Variants in ULK4 observed in about 807,000 individuals in gnomAD.
ULK4 encodes unc-51 like kinase 4.
Under a neutral mutation model 160.6 loss-of-function variants are expected in ULK4, and 133 were observed. That is an observed-to-expected ratio of 0.83 (90% confidence interval 0.72 to 0.96). The LOEUF (loss-of-function observed/expected upper bound fraction) is 0.96, where lower values mean the gene tolerates loss of function less well. Among genes scored for constraint, ULK4 ranks in the 40% least tolerant of loss-of-function variants. The probability of loss-of-function intolerance (pLI) is 0.00; values close to 1 mark genes in which losing one functional copy is unlikely to be tolerated. For synonymous variants in ULK4, 534 were observed against 539.8 expected (o/e 0.99, Z 0.15); for missense variants, 1,580 against 1,499.5 (o/e 1.05, Z -0.89).
At chr3:41,708,577 G>A (rs1344173366) in intron 25 of ULK4, among the ~76,000 whole-genome samples, 2 of 151,230 alleles carry the variant, frequency 1.3e-5, no homozygotes, top group Non-Finnish European at 2.9e-5. Context: ...GAGGGAATAA[G>A]GTATCAAGAG....
At chr3:41,683,316 G>A (rs1269820827) in intron 27 of ULK4, among the ~76,000 whole-genome samples, 5 of 152,010 alleles carry the variant, frequency 3.3e-5, no homozygotes, top group South Asian at 2.1e-4. Context: ...GAACTCTGTC[G>A]GCCTCATGTC....
intron 21 of ULK4, among the ~76,000 whole-genome samples, chr3:41,778,158 C>T (rs2125579377): frequency 8.4e-6 from 1 of 118,614 alleles, no homozygotes; most frequent in Non-Finnish European, 1.6e-5. Context: ...AATCAATGTA[C>T]AAAAATCGCA....
At chr3:41,574,397 C>T (rs1441613468) in intron 31 of ULK4, among the ~76,000 whole-genome samples, 3 of 151,994 alleles carry the variant, frequency 2.0e-5, no homozygotes, top group African/African-American at 7.2e-5. Flanking sequence ...CCCTTGAGCC[C>T]CTCTTGCATC....
intron 35 of ULK4, among the ~76,000 whole-genome samples, chr3:41,391,744 A>C (rs1465746457): frequency 6.6e-6 from 1 of 152,094 alleles, no homozygotes; most frequent in African/African-American, 2.4e-5. Flanking sequence ...ATGAGAAATC[A>C]GAAGGAAAAT....
intron 21 of ULK4, among the ~76,000 whole-genome samples, chr3:41,783,898 C>T (rs1244823666): frequency 1.3e-5 from 2 of 152,110 alleles, no homozygotes; most frequent in Non-Finnish European, 2.9e-5. Context: ...GAAACATTAA[C>T]AGCTTGGAAG....
At chr3:41,391,207 A>C (rs1032349628) in intron 35 of ULK4, among the ~76,000 whole-genome samples, 1 of 152,146 alleles carries the variant, frequency 6.6e-6, no homozygotes, top group Non-Finnish European at 1.5e-5. Flanking sequence ...GAGAATGCTT[A>C]TCCAGTGGAA....
chr3:41,581,969 T>C (rs1401806736), intron 31 of ULK4, among the ~76,000 whole-genome samples: 1 of 152,180 alleles, frequency 6.6e-6, no homozygotes, highest in Non-Finnish European at 1.5e-5. Context: ...CTTATTACTG[T>C]GAGCACCTGG....
At chr3:41,824,433 A>AG (rs1345924790) in intron 18 of ULK4, among the ~76,000 whole-genome samples, 1 of 152,282 alleles carries the variant, frequency 6.6e-6, no homozygotes, top group East Asian at 1.9e-4. Flanking sequence ...AAGGGGTGAC[A>AG]GACGGCACCT....
At chr3:41,609,743 G>T (rs2032573979) in intron 31 of ULK4, among the ~76,000 whole-genome samples, 1 of 152,152 alleles carries the variant, frequency 6.6e-6, no homozygotes, top group South Asian at 2.1e-4. Flanking sequence ...AGGCCAAGGT[G>T]GGAAGTCAGC....
chr3:41,485,592 C>A (rs1354848947), intron 32 of ULK4, among the ~76,000 whole-genome samples: 1 of 152,172 alleles, frequency 6.6e-6, no homozygotes, highest in East Asian at 1.9e-4. Flanking sequence ...TCAGTGGCAT[C>A]TTTCTGCAAT....
intron 34 of ULK4, among the ~76,000 whole-genome samples, chr3:41,449,851 G>C (rs1034892970): frequency 6.7e-6 from 1 of 148,828 alleles, no homozygotes; most frequent in African/African-American, 2.5e-5. Flanking sequence ...AGAATCATCA[G>C]ATGTTCAGGC....
At chr3:41,680,358 G>A (rs1021777235) in intron 29 of ULK4, among the ~76,000 whole-genome samples, 15 of 152,150 alleles carry the variant, frequency 9.9e-5, no homozygotes, top group African/African-American at 3.6e-4. Context: ...ACCAGCTGCA[G>A]AAGTGTAAAT....
chr3:41,265,087 G>A (rs949863451), intron 35 of ULK4, among the ~76,000 whole-genome samples: 4 of 152,296 alleles, frequency 2.6e-5, no homozygotes, highest in Middle Eastern at 3.4e-3. Context: ...TTTGGGACAC[G>A]AGGTGGCCAG....
chr3:41,606,672 A>G (rs2032397981), intron 31 of ULK4, among the ~76,000 whole-genome samples: 1 of 152,062 alleles, frequency 6.6e-6, no homozygotes, highest in South Asian at 2.1e-4. Flanking sequence ...TTCTAATAGA[A>G]GTAAGATTCT....
chr3:41,276,579 T>C (rs970817561), intron 35 of ULK4, among the ~76,000 whole-genome samples: 5 of 152,264 alleles, frequency 3.3e-5, no homozygotes, highest in African/African-American at 1.2e-4. Context: ...CAGTCTTTTT[T>C]AGTATATGAC....
chr3:41,804,171 T>C (rs1403559814), intron 19 of ULK4, among the ~76,000 whole-genome samples: 11 of 151,812 alleles, frequency 7.2e-5, no homozygotes, highest in Admixed American at 2.6e-4. Context: ...TTTTAATGAT[T>C]GCCATTCTAA....
chr3:41,640,202 G>C (rs1195983606), intron 30 of ULK4, among the ~76,000 whole-genome samples: 1 of 152,036 alleles, frequency 6.6e-6, no homozygotes, highest in African/African-American at 2.4e-5. Flanking sequence ...TCCCCCACTG[G>C]ACCAGCTAGG....
At chr3:41,465,361 A>T (rs1408001619) in intron 32 of ULK4, among the ~76,000 whole-genome samples, 3 of 152,152 alleles carry the variant, frequency 2.0e-5, no homozygotes, top group Non-Finnish European at 2.9e-5. Flanking sequence ...AACACATCTT[A>T]TTTCTCCTGT....
At position 41,343,312 on chromosome 3, in the gene ULK4, T is replaced by C. The variant is rs963821568; in HGVS notation, c.3678+54767A>G. 3.9e-5 allele frequency among the ~76,000 whole-genome samples: 5 copies of C among 127,602 alleles called. No individual in the cohort carries two copies. In the East Asian group the frequency reaches 9.1e-4, roughly 23 times the overall value. The allele number at this position is 127,602 out of a possible 152,430, so 83.7% of individuals were successfully genotyped here. A position where few individuals can be genotyped will look rare whatever the true frequency, so the allele number is the denominator to read the frequency against. Reference sequence around the variant, plus strand: ...CCCAAAAACTTTTTTTTTTTTTTTTTTTTTTTTTTTGAGATGGAGTCTTGC... The same window carrying C: ...CCCAAAAACTTTTTTTTTTTTTTTTCTTTTTTTTTTGAGATGGAGTCTTGC... On this transcript the variant is annotated intron_variant, in intron 35 of 36. Transcript: ENST00000301831.
Sources: allele counts gnomAD v4.1 joint callset (sites outside exome capture counted in the v4.1 genomes callset), GRCh38; gene constraint gnomAD v4.1.1; transcripts MANE v1.5; gene names NCBI Gene and HGNC (gene_info 2026-07-23, HGNC 2026-07-21).